TPST1: variants seen among roughly 807,000 people sequenced by gnomAD.
TPST1 encodes tyrosylprotein sulfotransferase 1.
Under a neutral mutation model 34.8 loss-of-function variants are expected in TPST1, and 20 were observed. The ratio of observed to expected loss-of-function variants is 0.57; its 90% CI spans 0.40 to 0.84. The LOEUF is 0.84. Ranked by LOEUF, TPST1 falls within the 40% of genes least tolerant of loss-of-function variation. TPST1 has a pLI of 0.00. For missense variants in TPST1, 353 were observed against 455.5 expected (o/e 0.78, Z 2.05); for synonymous variants, 152 against 159.4 (o/e 0.95, Z 0.35).
intron 1 of TPST1, among the ~76,000 whole-genome samples, chr7:66,207,286 C>A (rs1270804292): frequency 6.6e-6 from 1 of 152,094 alleles, no homozygotes; most frequent in Admixed American, 6.6e-5. Flanking sequence ...CCTACTCTTG[C>A]CTTCTCTTCA....
chr7:66,340,923 A>C (rs972956362), intron 3 of TPST1, among the ~76,000 whole-genome samples: 1 of 152,206 alleles, frequency 6.6e-6, no homozygotes, highest in Admixed American at 6.5e-5. Flanking sequence ...AGGCAGGAGA[A>C]TCACTTGAAC....
intron 3 of TPST1, among the ~76,000 whole-genome samples, chr7:66,346,974 A>G (rs535098513): frequency 1.9e-4 from 27 of 143,556 alleles, no homozygotes; most frequent in African/African-American, 7.0e-4. Context: ...AGATTTAAGT[A>G]TTTAATTCAT....
intron 3 of TPST1, among the ~76,000 whole-genome samples, chr7:66,343,123 A>G (rs560854955): frequency 1.3e-5 from 2 of 152,202 alleles, no homozygotes; most frequent in Admixed American, 6.5e-5. Context: ...CCACCACACC[A>G]ATCAGTCTCC....
chr7:66,268,975 C>T (rs551907474), intron 2 of TPST1, among the ~76,000 whole-genome samples: 17 of 152,316 alleles, frequency 1.1e-4, no homozygotes, highest in Admixed American at 4.6e-4. Context: ...TGAGCCACCA[C>T]GCCCGGCCTA....
chr7:66,301,899 A>G (rs1194424014), intron 3 of TPST1, among the ~76,000 whole-genome samples: 2 of 152,218 alleles, frequency 1.3e-5, no homozygotes, highest in Admixed American at 6.5e-5. Flanking sequence ...ATGTTGTTGG[A>G]AAAATGTCAC....
chr7:66,347,054 C>CT (rs1179080237), intron 3 of TPST1, among the ~76,000 whole-genome samples: 1 of 54,838 alleles, frequency 1.8e-5, no homozygotes, highest in Admixed American at 2.1e-4. Flanking sequence ...TTTTCCTTTG[C>CT]TTTTCTTTTT....
chr7:66,335,795 A>G (rs943218553), intron 3 of TPST1, among the ~76,000 whole-genome samples: 1 of 152,168 alleles, frequency 6.6e-6, no homozygotes, highest in Non-Finnish European at 1.5e-5. Flanking sequence ...AAGCTCTCAT[A>G]CTAAGTAAAG....
chr7:66,348,018 A>G (rs1181541537), intron 3 of TPST1, among the ~76,000 whole-genome samples: 1 of 152,214 alleles, frequency 6.6e-6, no homozygotes, highest in Non-Finnish European at 1.5e-5. Flanking sequence ...AAGTATTGAA[A>G]GAAAAACCCC....
chr7:66,301,590 C>A (rs1290937282), intron 3 of TPST1, among the ~76,000 whole-genome samples: 1 of 152,144 alleles, frequency 6.6e-6, no homozygotes, highest in African/African-American at 2.4e-5. Flanking sequence ...ACACTTAGAG[C>A]CCATTGTTGG....
intron 2 of TPST1, among the ~76,000 whole-genome samples, chr7:66,279,143 C>T (rs915315251): frequency 3.9e-5 from 6 of 152,152 alleles, no homozygotes; most frequent in African/African-American, 1.4e-4. Context: ...TCTATGTGTG[C>T]TCAGTGCTTA....
chr7:66,252,473 C>CA (rs757744416), intron 2 of TPST1, among the ~76,000 whole-genome samples: 20 of 151,772 alleles, frequency 1.3e-4, no homozygotes, highest in Admixed American at 2.6e-4. Flanking sequence ...TCCCAAGTAG[C>CA]AGGGACTGCA....
chr7:66,280,424 G>A (rs918691009), intron 2 of TPST1, among the ~76,000 whole-genome samples: 3 of 152,144 alleles, frequency 2.0e-5, no homozygotes, highest in South Asian at 2.1e-4. Context: ...CTCTCAGCTC[G>A]GATATTGTTG....
chr7:66,301,673 G>A (rs547118163), intron 3 of TPST1, among the ~76,000 whole-genome samples: 1 of 152,104 alleles, frequency 6.6e-6, no homozygotes, highest in African/African-American at 2.4e-5. Context: ...GAGAGAGATG[G>A]GGGAACAAAC....
chr7:66,213,050 GTT>G (rs1789298533), intron 1 of TPST1, among the ~76,000 whole-genome samples: 1 of 151,916 alleles, frequency 6.6e-6, no homozygotes, highest in Admixed American at 6.6e-5. Flanking sequence ...ATTTCTTTGG[GTT>G]TTTCTGTTTG....
rs903980424 is a variant in TPST1, at chr7:66,286,415, A to G, written c.846-96A>G. ...TTCTCAATTGTTTTGTAATCCAGAC[A>G]ACTGTTAGTCATTAAAACATAATTT... On this transcript the variant is annotated intron_variant, in intron 2 of 5. Transcript: ENST00000304842. 30 of 951,346 alleles carry G rather than the reference A, an allele frequency of 3.2e-5. 1 individual carries two copies. The highest frequency in any genetic ancestry group is 4.1e-5 in the Non-Finnish European group (29 of 714,996). 58.9% of individuals were successfully genotyped at this position (951,346 alleles called of 1,614,324 possible).
chr7:66,250,294 C>T (rs528933016), intron 2 of TPST1, among the ~76,000 whole-genome samples: 8 of 152,272 alleles, frequency 5.3e-5, no homozygotes, highest in South Asian at 4.1e-4. Context: ...GCTTGTCCTC[C>T]GTCCCACAGT....
At chr7:66,353,578 G>A (rs1792523750) in intron 4 of TPST1, among the ~76,000 whole-genome samples, 1 of 152,234 alleles carries the variant, frequency 6.6e-6, no homozygotes, top group Non-Finnish European at 1.5e-5. Context: ...GAGTCTCACG[G>A]CTGACATGCC....
At chr7:66,306,667 T>G (rs1414566235) in intron 3 of TPST1, among the ~76,000 whole-genome samples, 2 of 152,202 alleles carry the variant, frequency 1.3e-5, no homozygotes, top group African/African-American at 4.8e-5. Context: ...ACAATCTGCC[T>G]GCTTTTATTT....
intron 3 of TPST1, among the ~76,000 whole-genome samples, chr7:66,338,226 TA>T (rs915607286): frequency 2.0e-5 from 3 of 151,686 alleles, no homozygotes; most frequent in African/African-American, 7.3e-5. Flanking sequence ...TCAAGATGGT[TA>T]AAAAAAAGAC....
Sources: gnomAD v4.1 joint callset for allele counts (sites outside exome capture counted in the v4.1 genomes callset) on GRCh38, gnomAD v4.1.1 for gene constraint, MANE v1.5 for transcripts, NCBI Gene and HGNC (gene_info 2026-07-23, HGNC 2026-07-21) for gene names.